The following KCNQ1 variants were observed in gnomAD, a reference collection of about 807,000 sequenced individuals.
KCNQ1 encodes potassium voltage-gated channel subfamily KQT member 1.
KCNQ1 carries 49 observed loss-of-function variants against 72.4 expected under a neutral mutation model. That is an observed-to-expected ratio of 0.68 (90% CI 0.54 to 0.86). The LOEUF is 0.86. Ranked by LOEUF, KCNQ1 falls within the 40% of genes least tolerant of loss-of-function variation. KCNQ1 has a pLI of 0.00. For synonymous variants in KCNQ1, 450 were observed against 412.6 expected (o/e 1.09, Z -1.10); for missense variants, 790 against 945.1 (o/e 0.84, Z 2.15).
intron 11 of KCNQ1, chr11:2,697,197 A>G (rs897308644): frequency 1.5e-5 from 6 of 398,470 alleles, no homozygotes; most frequent in African/African-American, 1.2e-4. Context: ...CTTAGTTTTA[A>G]CTTCTAAGAT....
At chr11:2,655,985 A>C in intron 10 of KCNQ1, 1 of 398,624 alleles carries the variant, frequency 2.5e-6, no homozygotes, top group African/African-American at 2.1e-5. Context: ...CAGCCAACTG[A>C]TGTGCACATT....
Position 2,818,081 on chromosome 11 carries a change from A to C in KCNQ1, c.1795-29686A>C, listed in dbSNP as rs565294932. On this transcript the variant is annotated intron_variant, in intron 15 of 15. Coordinates refer to ENST00000155840, the MANE Select transcript of KCNQ1 (RefSeq NM_000218.3). This position sits in a 1 kb window ranked among gnomAD's most constrained non-coding sequence, Gnocchi z 7.2. ...AAAAAAGTGGCAGGATTGTCTGAAA[A>C]ACACATGGCCAGCCACCCTGCACCC... 1.2e-4 allele frequency among the ~76,000 whole-genome samples: 19 copies of C among 152,244 alleles called. No homozygotes were observed. The East Asian group carries it at 2.3e-3, about 19-fold the overall frequency.
chr11:2,530,639 G>C lies in KCNQ1; in HGVS notation c.477+2621G>C, dbSNP rs558227353. Among the ~76,000 whole-genome samples, 6 of 152,348 alleles carry C rather than the reference G, an allele frequency of 3.9e-5. No homozygotes were observed. In the South Asian group the frequency reaches 1.0e-3, roughly 26 times the overall value. On this transcript the variant is annotated intron_variant, in intron 2 of 15. Coordinates refer to ENST00000155840, the MANE Select transcript of KCNQ1 (RefSeq NM_000218.3). Reference sequence around the variant, plus strand: ...GCATCTGTATCTGAGTATTATGTAAGTGTGCATACACATGAGCACGTGGGG... The same window carrying C: ...GCATCTGTATCTGAGTATTATGTAACTGTGCATACACATGAGCACGTGGGG...
At position 2,572,965 on chromosome 11, in the gene KCNQ1, A is replaced by C. The variant is rs727504769; in HGVS notation, c.900A>C (p.Ala300=). Residue 300 remains alanine, a synonymous_variant, in exon 6 of 16, where the codon GCA becomes GCC. Transcript: ENST00000155840. ...ESGRVEFGSY[A]DALWWGVVTV... is the part of the protein sequence containing the mutation. ...GCCGCGTGGAGTTCGGCAGCTACGC[A>C]GATGCGCTGTGGTGGGGGGTGGTAA... 8.9e-5 allele frequency: 144 copies of C among 1,613,718 alleles called. No homozygotes were observed. Among genetic ancestry groups the C allele is most frequent in the Middle Eastern group, 3.3e-4 (2 of 6,062 alleles).
intron 10 of KCNQ1, chr11:2,650,561 C>T: frequency 2.5e-6 from 1 of 398,610 alleles, no homozygotes; most frequent in Non-Finnish European, 4.4e-6. Context: ...GCTTAGGCTG[C>T]TTGGTGCTTA....
chr11:2,507,301 T>C lies in KCNQ1; in HGVS notation c.387-20627T>C, dbSNP rs1295063030. Among the ~76,000 whole-genome samples, 1 of 152,156 alleles carries C rather than the reference T, an allele frequency of 6.6e-6. No homozygotes were observed. Among genetic ancestry groups the C allele is most frequent in the African/African-American group, 2.4e-5 (1 of 41,432 alleles). Reference sequence around the variant, plus strand: ...GAAGTTCACCCCACTGGCTGGGGCCTTCACGAGGCCCCTCTGGCCTCTAAG... The same window carrying C: ...GAAGTTCACCCCACTGGCTGGGGCCCTCACGAGGCCCCTCTGGCCTCTAAG... On this transcript the variant is annotated intron_variant, in intron 1 of 15. Coordinates refer to ENST00000155840, the MANE Select transcript of KCNQ1 (RefSeq NM_000218.3). This position sits in a 1 kb window ranked among gnomAD's most constrained non-coding sequence, Gnocchi z 5.4.
chr11:2,679,937 A>C lies in KCNQ1; in HGVS notation c.1514+17856A>C. On this transcript the variant is annotated intron_variant, in intron 11 of 15. Coordinates refer to ENST00000155840, the MANE Select transcript of KCNQ1 (RefSeq NM_000218.3). This position sits in a 1 kb window ranked among gnomAD's most constrained non-coding sequence, Gnocchi z 4.8. ...GAGGCAGAGTCTCACTTTGTCACCT[A>C]GGCGGGAATGCAGTGGCACAGTCTC... The C allele has an allele frequency of 2.5e-6, 1 of 397,440 alleles. No homozygotes were observed. Among genetic ancestry groups the C allele is most frequent in the Non-Finnish European group, 4.4e-6 (1 of 225,958 alleles). The allele number at this position is 397,440 out of a possible 1,614,324, so 24.6% of individuals were successfully genotyped here.
intron 1 of KCNQ1, among the ~76,000 whole-genome samples, chr11:2,521,039 T>TA (rs1188575823): frequency 2.8e-4 from 42 of 152,132 alleles, no homozygotes; most frequent in African/African-American, 9.7e-4. Flanking sequence ...TTGTTTGCTT[T>TA]AAAAAAAGTT....
chr11:2,587,676 C>G lies in KCNQ1; in HGVS notation c.1235C>G (p.Pro412Arg). 6.2e-7 allele frequency: 1 copy of G among 1,613,828 alleles called. No individual in the cohort carries two copies. The change falls in exon 9 of 16, where the codon CCC (proline) becomes CGC (arginine). Residue 412 changes from proline to arginine, a missense_variant. Coordinates refer to ENST00000155840, the MANE Select transcript of KCNQ1 (RefSeq NM_000218.3). ...SHTLLSPSPK[P>R]KKSVVVKKKK... ...ACTCTGCTGTCACCCAGCCCCAAAC[C>G]CAAGAAGTCTGTGGTGGTGAGTAGC...
At chr11:2,788,202 T>G (rs2134004450) in intron 15 of KCNQ1, among the ~76,000 whole-genome samples, 1 of 150,690 alleles carries the variant, frequency 6.6e-6, no homozygotes, top group East Asian at 2.0e-4. Flanking sequence ...CCTCCTGGGC[T>G]CCTTCTCCAC....
In KCNQ1 at chr11:2,746,688, G is replaced by A. The variant is rs1053166239; in HGVS notation, c.1515-22156G>A. Among the ~76,000 whole-genome samples the A allele has an allele frequency of 3.3e-5, 5 of 152,218 alleles. No individual in the cohort carries two copies. The highest frequency in any genetic ancestry group is 1.2e-4 in the African/African-American group (5 of 41,448). On this transcript the variant is annotated intron_variant, in intron 11 of 15. Transcript: ENST00000155840. The surrounding 1 kb of genome is among the most constrained non-coding windows in gnomAD (Gnocchi z 5.9). ...CCTGTTCCGAGGGCCCATCCTGTCG[G>A]TGTGGCTCGTCATGGGCGATGCTGT...
At chr11:2,570,805 A>G (rs1848322915) in intron 3 of KCNQ1, 51 bp downstream of exon 3, 1 of 1,603,014 alleles carries the variant, frequency 6.2e-7, no homozygotes, top group African/African-American at 1.3e-5. Flanking sequence ...CAGACCAGGA[A>G]GGACCCCCAC....
rs1850162772 is a variant in KCNQ1 at position 2,670,451 on chromosome 11, C to T, written c.1514+8370C>T. The T allele has an allele frequency of 2.5e-6, 1 of 397,796 alleles. No individual in the cohort carries two copies. Among genetic ancestry groups the T allele is most frequent in the Non-Finnish European group, 4.4e-6 (1 of 225,962 alleles). 24.6% of individuals were successfully genotyped at this position (397,796 alleles called of 1,614,324 possible). A position where few individuals can be genotyped will look rare whatever the true frequency, so the allele number is the denominator to read the frequency against. On this transcript the variant is annotated intron_variant, in intron 11 of 15. Coordinates refer to ENST00000155840, the MANE Select transcript of KCNQ1 (RefSeq NM_000218.3). This position sits in a 1 kb window ranked among gnomAD's most constrained non-coding sequence, Gnocchi z 4.9. Reference sequence around the variant, plus strand: ...GGAGATACTGCTGTTGGCTGAGACACACAGCCCACATCCTTGGTAGGTCCC... The same window carrying T: ...GGAGATACTGCTGTTGGCTGAGACATACAGCCCACATCCTTGGTAGGTCCC...
At position 2,745,643 on chromosome 11, in the gene KCNQ1, G is replaced by T. The variant is rs1300230707; in HGVS notation, c.1515-23201G>T. Among the ~76,000 whole-genome samples the T allele has an allele frequency of 6.6e-6, 1 of 152,210 alleles. No individual in the cohort carries two copies. Among genetic ancestry groups the T allele is most frequent in the Non-Finnish European group, 1.5e-5 (1 of 68,042 alleles). On this transcript the variant is annotated intron_variant, in intron 11 of 15. Transcript: ENST00000155840. This position sits in a 1 kb window ranked among gnomAD's most constrained non-coding sequence, Gnocchi z 6.2. ...CAGGTGCGGGGCTGGCAGAGGCTGG[G>T]GTTACCTGACACTTGTCATCCTTCT...
Position 2,512,495 on chromosome 11 carries a change from C to A in KCNQ1, c.387-15433C>A, listed in dbSNP as rs796579341. On this transcript the variant is annotated intron_variant, in intron 1 of 15. Transcript: ENST00000155840. ...ACACACGGCCACCTGGGATGACAAC[C>A]CCTCCCAGTCTTCCCTCAAGACAAG... Among the ~76,000 whole-genome samples, 16 of 152,368 alleles carry A rather than the reference C, an allele frequency of 1.1e-4. 1 individual carries two copies. Among genetic ancestry groups the A allele is most frequent in the African/African-American group, 3.8e-4 (16 of 41,594 alleles).
chr11:2,821,818 C>T (rs962274122), intron 15 of KCNQ1, among the ~76,000 whole-genome samples: 1 of 152,196 alleles, frequency 6.6e-6, no homozygotes, highest in East Asian at 1.9e-4. Context: ...CCTCTGCAGC[C>T]ACATCCCTGC....
At chr11:2,696,692 T>C (rs1358111819) in intron 11 of KCNQ1, 2 of 398,466 alleles carry the variant, frequency 5.0e-6, no homozygotes, top group African/African-American at 4.1e-5. Context: ...TTCAAGAAAA[T>C]AAAATGTCTC....
rs998525437 is a variant in KCNQ1, at chr11:2,788,555, G to A, written c.1794+10518G>A. On this transcript the variant is annotated intron_variant, in intron 15 of 15. Transcript: ENST00000155840. Reference sequence around the variant, plus strand: ...CCCCCTCCCCTCTGCACCACCCCCCGCCCCCCACACCCAACCCAACACTCC... The same window carrying A: ...CCCCCTCCCCTCTGCACCACCCCCCACCCCCCACACCCAACCCAACACTCC... Among the ~76,000 whole-genome samples the A allele has an allele frequency of 8.0e-5, 5 of 62,292 alleles. No individual in the cohort carries two copies. The East Asian group carries it at 1.5e-3, about 19-fold the overall frequency. 40.9% of individuals were successfully genotyped at this position (62,292 alleles called of 152,430 possible).
rs1207892735 is a variant in KCNQ1 at position 2,847,881 on chromosome 11, C to T, written c.1909C>T (p.His637Tyr). 6.3e-7 allele frequency: 1 copy of T among 1,581,268 alleles called. No homozygotes were observed. Residue 637 changes from histidine (H) to tyrosine (Y), a missense_variant, in exon 16 of 16, where the codon CAC becomes TAC. Around this residue, in one of 5 missense-constraint regions of KCNQ1, gnomAD observed 94 missense variants for 85.2 expected, o/e 1.10. Coordinates refer to ENST00000155840, the MANE Select transcript of KCNQ1 (RefSeq NM_000218.3). ...CGGCCCCCCCAGAGAGGGCGGGGCC[C>T]ACATCACCCAGCCCTGCGGCAGTGG... The part of the protein sequence containing the change: ...SGGPPREGGA[H>Y]ITQPCGSGGS...
Sources: gnomAD v4.1 joint callset for allele counts (sites outside exome capture counted in the v4.1 genomes callset) on GRCh38, gnomAD v4.1.1 for gene constraint, gnomAD v4.1.1 regional missense constraint, Gnocchi (gnomAD v3.1) non-coding constraint, MANE v1.5 for transcripts, NCBI Gene and HGNC (gene_info 2026-07-23, HGNC 2026-07-21) for gene names.